ERBB4: variants seen among roughly 807,000 people sequenced by gnomAD.
The protein encoded by ERBB4 is receptor tyrosine-protein kinase erbB-4.
Under a neutral mutation model 158.0 loss-of-function variants are expected in ERBB4, and 42 were observed. That is an observed-to-expected ratio of 0.27 (90% CI 0.21 to 0.34). ERBB4 has a LOEUF of 0.34. Among genes scored for constraint, ERBB4 ranks in the 10% least tolerant of loss-of-function variants. The pLI is 1.00. For missense variants in ERBB4, 1,333 were observed against 1,624.1 expected (o/e 0.82, Z 3.08); for synonymous variants, 583 against 558.7 (o/e 1.04, Z -0.61).
chr2:212,196,059 C>T (rs2082417402), intron 1 of ERBB4, among the ~76,000 whole-genome samples: 1 of 152,066 alleles, frequency 6.6e-6, no homozygotes, highest in East Asian at 1.9e-4. Flanking sequence ...TAGAACAATG[C>T]AGAGGTTAAG....
At chr2:212,078,098 T>A (rs1167844725) in intron 2 of ERBB4, among the ~76,000 whole-genome samples, 1 of 152,074 alleles carries the variant, frequency 6.6e-6, no homozygotes, top group Non-Finnish European at 1.5e-5. Flanking sequence ...AATAGTATTA[T>A]CAATTATTTA....
At chr2:212,022,646 T>A (rs534382914) in intron 2 of ERBB4, among the ~76,000 whole-genome samples, 1 of 152,204 alleles carries the variant, frequency 6.6e-6, no homozygotes, top group Admixed American at 6.6e-5. Context: ...TTTACCTATG[T>A]AACAAACCTG....
At chr2:211,750,787 C>T in intron 4 of ERBB4, 83 bp from the exon 5 acceptor site, 3 of 1,197,314 alleles carry the variant, frequency 2.5e-6, no homozygotes, top group African/African-American at 1.5e-5. Flanking sequence ...AAAGGAAATA[C>T]TCCTGCTCCT....
chr2:212,358,649 A>T (rs1432974943), intron 1 of ERBB4, among the ~76,000 whole-genome samples: 1 of 151,802 alleles, frequency 6.6e-6, no homozygotes, highest in African/African-American at 2.4e-5. Context: ...TAAATTATGA[A>T]TCAATGATTT....
At chr2:211,857,974 A>C (rs983566880) in intron 3 of ERBB4, among the ~76,000 whole-genome samples, 1 of 152,236 alleles carries the variant, frequency 6.6e-6, no homozygotes, top group Non-Finnish European at 1.5e-5. Flanking sequence ...AGAAGTTATT[A>C]TTAATAGATG....
chr2:212,021,891 C>T (rs1373515440), intron 2 of ERBB4, among the ~76,000 whole-genome samples: 5 of 151,920 alleles, frequency 3.3e-5, no homozygotes, highest in Admixed American at 2.6e-4. Context: ...CAAAAGAAGA[C>T]ATTTATGTGG....
chr2:211,772,868 T>C (rs71350752), intron 4 of ERBB4, among the ~76,000 whole-genome samples: 26,101 of 62,862 alleles, frequency 0.42, 6,296 homozygotes, highest in South Asian at 0.5. Context: ...TATATATATA[T>C]ACACATATAT....
intron 1 of ERBB4, among the ~76,000 whole-genome samples, chr2:212,158,151 A>G (rs944561822): frequency 9.2e-5 from 14 of 152,040 alleles, no homozygotes; most frequent in Non-Finnish European, 1.5e-5. Context: ...TATTATATCC[A>G]TTTTGCAGAC....
chr2:211,421,958 T>G, intron 24 of ERBB4, 49 bp downstream of exon 24: 1 of 1,127,026 alleles, frequency 8.9e-7, no homozygotes, highest in Non-Finnish European at 1.4e-6. Flanking sequence ...CATTTTGCAG[T>G]GAGTTTGCCA....
chr2:212,277,697 G>A (rs2085595656), intron 1 of ERBB4, among the ~76,000 whole-genome samples: 1 of 151,642 alleles, frequency 6.6e-6, no homozygotes, highest in African/African-American at 2.4e-5. Context: ...TTGCCTGCAT[G>A]CTTATTATTT....
intron 1 of ERBB4, among the ~76,000 whole-genome samples, chr2:212,528,234 G>A (rs1321094080): frequency 1.3e-5 from 2 of 152,052 alleles, no homozygotes; most frequent in African/African-American, 4.8e-5. Context: ...CTTGCACAGT[G>A]GGCAGGTAGA....
intron 2 of ERBB4, among the ~76,000 whole-genome samples, chr2:212,071,885 T>C (rs2078131726): frequency 6.6e-6 from 1 of 152,048 alleles, no homozygotes; most frequent in Admixed American, 6.6e-5. Flanking sequence ...AATAGATGTC[T>C]ACTGCAGTCT....
intron 1 of ERBB4, among the ~76,000 whole-genome samples, chr2:212,447,678 A>G (rs1465367808): frequency 3.3e-5 from 5 of 152,152 alleles, no homozygotes; most frequent in Non-Finnish European, 5.9e-5. Context: ...AAGTGTATGG[A>G]TATTCTAATA....
chr2:211,665,494 A>T lies in ERBB4; in HGVS notation c.1717-17T>A, dbSNP rs1202652017. 8.8e-6 allele frequency: 14 copies of T among 1,599,538 alleles called. No homozygotes were observed. Among genetic ancestry groups the T allele is most frequent in the Non-Finnish European group, 1.2e-5 (14 of 1,168,910 alleles). ...GTCAGGACCCTGAAATGTGAAAACG[A>T]AAAAAAAAGAAAAAAGAAAAGTGGT... On this transcript the variant is annotated splice_polypyrimidine_tract_variant and intron_variant, in intron 14 of 27. Transcript: ENST00000342788.
At chr2:211,566,567 G>C (rs11896454) in intron 19 of ERBB4, among the ~76,000 whole-genome samples, 50,151 of 151,930 alleles carry the variant, frequency 0.33, 11,044 homozygotes, top group African/African-American at 0.63. Context: ...GTTATAAAGA[G>C]AGTATAGATG....
At position 211,539,474 on chromosome 2, in the gene ERBB4, A is replaced by C. The variant is rs144007985; in HGVS notation, c.2487+22429T>G. 3.4e-3 allele frequency among the ~76,000 whole-genome samples: 518 copies of C among 152,062 alleles called. 1 individual carries two copies. The highest frequency in any genetic ancestry group is 0.012 in the African/African-American group (500 of 41,536). On this transcript the variant is annotated intron_variant, in intron 20 of 27. Coordinates refer to ENST00000342788, the MANE Select transcript of ERBB4 (RefSeq NM_005235.3). Reference sequence around the variant, plus strand: ...GCGTCTTTTTGTGCAACCCTTCCTTACCTAAGTATTCAAAATAATGTTTGT... The same window carrying C: ...GCGTCTTTTTGTGCAACCCTTCCTTCCCTAAGTATTCAAAATAATGTTTGT...
intron 16 of ERBB4, among the ~76,000 whole-genome samples, chr2:211,649,225 T>A (rs1392190084): frequency 6.6e-6 from 1 of 151,858 alleles, no homozygotes; most frequent in Admixed American, 6.6e-5. Context: ...GATTTTTTTG[T>A]AAATTGCTGA....
chr2:212,260,305 G>C (rs1447930849), intron 1 of ERBB4, among the ~76,000 whole-genome samples: 3 of 152,152 alleles, frequency 2.0e-5, no homozygotes, highest in African/African-American at 7.2e-5. Context: ...AAAGAGTAGA[G>C]AGCTGGGGAA....
chr2:212,103,483 A>C (rs2079140628), intron 2 of ERBB4, among the ~76,000 whole-genome samples: 1 of 152,112 alleles, frequency 6.6e-6, no homozygotes. Context: ...TATTAATTTG[A>C]TATTTTATAT....
Sources: gnomAD v4.1 joint callset for allele counts (sites outside exome capture counted in the v4.1 genomes callset) on GRCh38, gnomAD v4.1.1 for gene constraint, MANE v1.5 for transcripts, NCBI Gene and HGNC (gene_info 2026-07-23, HGNC 2026-07-21) for gene names.